Variants in SFMBT2 observed in about 807,000 individuals in gnomAD.
The protein encoded by SFMBT2 is scm-like with four MBT domains protein 2.
In SFMBT2, 38 loss-of-function variants were observed where a neutral mutation model predicts 110.1. That is an observed-to-expected ratio of 0.35 (90% CI 0.27 to 0.45). SFMBT2 has a LOEUF of 0.45. Ranked by LOEUF, SFMBT2 falls within the 20% of genes least tolerant of loss-of-function variation. SFMBT2 has a pLI of 1.00. For missense variants in SFMBT2, 1,011 were observed against 1,094.9 expected, an observed-to-expected ratio of 0.92 and a Z score of 1.08; for synonymous variants, 425 against 425.4, an observed-to-expected ratio of 1.00 and a Z score of 0.01.
chr10:7,225,754 A>C (rs1432483235), intron 10 of SFMBT2, among the ~76,000 whole-genome samples: 4 of 152,222 alleles, frequency 2.6e-5, no homozygotes, highest in Admixed American at 6.5e-5. Flanking sequence ...TTAAATATAG[A>C]ATGAAAGAGA....
intron 2 of SFMBT2, among the ~76,000 whole-genome samples, chr10:7,374,249 G>A (rs1845141061): frequency 6.6e-6 from 1 of 152,098 alleles, no homozygotes; most frequent in Non-Finnish European, 1.5e-5. Flanking sequence ...GTCACAGAGC[G>A]AGACTCCATC....
At chr10:7,221,945 A>T (rs1437296869) in intron 10 of SFMBT2, among the ~76,000 whole-genome samples, 1 of 152,184 alleles carries the variant, frequency 6.6e-6, no homozygotes, top group East Asian at 1.9e-4. Flanking sequence ...CAAAGCACTC[A>T]GTTCCTGGCA....
At chr10:7,347,680 A>G (rs1248229057) in intron 4 of SFMBT2, among the ~76,000 whole-genome samples, 1 of 152,222 alleles carries the variant, frequency 6.6e-6, no homozygotes, top group Non-Finnish European at 1.5e-5. Flanking sequence ...TTGTTAGCAG[A>G]AAGAGGAGAT....
intron 16 of SFMBT2, among the ~76,000 whole-genome samples, chr10:7,186,475 A>ATATATATATATATATATATATATAC (rs1345076690): frequency 7.3e-6 from 1 of 136,592 alleles, no homozygotes; most frequent in African/African-American, 3.0e-5. Context: ...TATATATATA[A>ATATATATATATATATATATATATAC]AAATATTTTA....
intron 9 of SFMBT2, among the ~76,000 whole-genome samples, chr10:7,238,040 G>A (rs1449669930): frequency 6.6e-6 from 1 of 152,192 alleles, no homozygotes; most frequent in East Asian, 1.9e-4. Flanking sequence ...AAGTCAGCAC[G>A]GCTGGGTGCT....
intron 6 of SFMBT2, among the ~76,000 whole-genome samples, chr10:7,282,868 G>C (rs1206000133): frequency 1.1e-5 from 1 of 94,214 alleles, no homozygotes; most frequent in African/African-American, 3.9e-5. Context: ...AAACTCACCG[G>C]AATGAAGATT....
At chr10:7,397,714 C>T (rs557268660) in intron 1 of SFMBT2, among the ~76,000 whole-genome samples, 33 of 152,332 alleles carry the variant, frequency 2.2e-4, no homozygotes, top group African/African-American at 7.0e-4. Context: ...AGCCCGGAAT[C>T]GCAGCAGTAC....
intron 17 of SFMBT2, among the ~76,000 whole-genome samples, chr10:7,175,532 G>A (rs1039653758): frequency 5.3e-5 from 8 of 152,162 alleles, no homozygotes; most frequent in Non-Finnish European, 8.8e-5. Context: ...TGAGGAAGGC[G>A]TCTAAACATG....
intron 11 of SFMBT2, among the ~76,000 whole-genome samples, chr10:7,213,308 T>C (rs1187849850): frequency 6.6e-6 from 1 of 152,144 alleles, no homozygotes; most frequent in Non-Finnish European, 1.5e-5. Context: ...AGGCAATGCC[T>C]GTATTTTACA....
chr10:7,171,189 A>C lies in SFMBT2; in HGVS notation c.2416-133T>G. 3 of 1,473,012 alleles carry C rather than the reference A, an allele frequency of 2.0e-6. No individual in the cohort carries two copies. Among genetic ancestry groups the C allele is most frequent in the Non-Finnish European group, 2.8e-6 (3 of 1,082,798 alleles). 91.2% of individuals were successfully genotyped at this position (1,473,012 alleles called of 1,614,324 possible). On this transcript the variant is annotated intron_variant, in intron 19 of 20. Coordinates refer to ENST00000397167, the MANE Select transcript of SFMBT2 (RefSeq NM_001387889.1). This position sits in a 1 kb window ranked among gnomAD's most constrained non-coding sequence, Gnocchi z 4.9. ...CTTTGCTCCCTCACTGGGCACCTGAAAAAGCTGCACACACTCTCAGTCCCT... is the reference window on the plus strand; with the variant it reads ...CTTTGCTCCCTCACTGGGCACCTGACAAAGCTGCACACACTCTCAGTCCCT...
At chr10:7,349,723 T>C (rs900061271) in intron 4 of SFMBT2, among the ~76,000 whole-genome samples, 3 of 151,938 alleles carry the variant, frequency 2.0e-5, no homozygotes, top group African/African-American at 7.3e-5. Flanking sequence ...CCTCCCAAAG[T>C]GCTGGGATTA....
rs370474539 is a variant in SFMBT2 at position 7,182,319 on chromosome 10, C to A, written c.1809-6154G>T. ...TCCCAGAGTGTTGGTATTACAGGCACAGGCCAACGCACTCAGCCTCATTCT... is the reference window on the plus strand; with the variant it reads ...TCCCAGAGTGTTGGTATTACAGGCAAAGGCCAACGCACTCAGCCTCATTCT... On this transcript the variant is annotated intron_variant, in intron 16 of 20. Coordinates refer to ENST00000397167, the MANE Select transcript of SFMBT2 (RefSeq NM_001387889.1). Among the ~76,000 whole-genome samples, 14 of 152,314 alleles carry A rather than the reference C, an allele frequency of 9.2e-5. No homozygotes were observed. The East Asian group carries it at 1.7e-3, about 19-fold the overall frequency.
chr10:7,219,745 G>C lies in SFMBT2; in HGVS notation c.1330+666C>G, dbSNP rs578063830. ...AGAATTATAAATCACAGAAAGATGGGAAAGTCTTGGAGATCAAATCCATTG... is the reference window on the plus strand; with the variant it reads ...AGAATTATAAATCACAGAAAGATGGCAAAGTCTTGGAGATCAAATCCATTG... On this transcript the variant is annotated intron_variant, in intron 11 of 20. Coordinates refer to ENST00000397167, the MANE Select transcript of SFMBT2 (RefSeq NM_001387889.1). 5.1e-4 allele frequency: 178 copies of C among 346,158 alleles called. 1 individual carries two copies. Among genetic ancestry groups the C allele is most frequent in the South Asian group, 3.6e-3 (32 of 8,986 alleles). The allele number at this position is 346,158 out of a possible 1,614,324, so 21.4% of individuals were successfully genotyped here. A position where few individuals can be genotyped will look rare whatever the true frequency, so the allele number is the denominator to read the frequency against.
intron 12 of SFMBT2, chr10:7,203,069 T>G (rs1839010541): frequency 4.1e-6 from 4 of 985,344 alleles, no homozygotes; most frequent in Non-Finnish European, 4.8e-6. Context: ...CCAGTTTATA[T>G]TTGTAACTGA....
At chr10:7,276,099 A>G (rs139038162) in intron 7 of SFMBT2, among the ~76,000 whole-genome samples, 2 of 152,338 alleles carry the variant, frequency 1.3e-5, no homozygotes, top group Non-Finnish European at 2.9e-5. Flanking sequence ...ATTTCACGTA[A>G]GTGTGAAGCA....
At chr10:7,259,810 C>T (rs931122620) in intron 7 of SFMBT2, among the ~76,000 whole-genome samples, 9 of 152,200 alleles carry the variant, frequency 5.9e-5, no homozygotes, top group Admixed American at 5.9e-4. Flanking sequence ...TCAGCAGTGC[C>T]AACCAACCCT....
intron 2 of SFMBT2, among the ~76,000 whole-genome samples, chr10:7,375,201 G>C (rs1191509346): frequency 6.6e-6 from 1 of 152,176 alleles, no homozygotes; most frequent in Non-Finnish European, 1.5e-5. Flanking sequence ...TATTTCATAA[G>C]AAACATAAAA....
At chr10:7,211,870 G>A (rs1839360497) in intron 11 of SFMBT2, among the ~76,000 whole-genome samples, 2 of 152,242 alleles carry the variant, frequency 1.3e-5, no homozygotes, top group South Asian at 4.2e-4. Flanking sequence ...TTCTGCACCT[G>A]GTCCCCTAAA....
intron 4 of SFMBT2, among the ~76,000 whole-genome samples, chr10:7,326,082 A>C (rs369357166): frequency 4.6e-5 from 7 of 152,240 alleles, no homozygotes; most frequent in Admixed American, 4.6e-4. Context: ...CCTGGATTGA[A>C]ATATCAACAG....
Sources: gnomAD v4.1 joint callset for allele counts (sites outside exome capture counted in the v4.1 genomes callset) on GRCh38, gnomAD v4.1.1 for gene constraint, Gnocchi (gnomAD v3.1) non-coding constraint, MANE v1.5 for transcripts, NCBI Gene and HGNC (gene_info 2026-07-23, HGNC 2026-07-21) for gene names.